PBX1: variants seen among roughly 807,000 people sequenced by gnomAD.
PBX1 encodes the protein pre-B-cell leukemia transcription factor 1.
A neutral mutation model predicts 53.4 loss-of-function variants in PBX1; 6 were observed. The observed-to-expected ratio is 0.11, with a 90% CI of 0.06 to 0.22. PBX1 has a LOEUF of 0.22. Ranked by LOEUF, PBX1 falls within the 10% of genes least tolerant of loss-of-function variation. PBX1 has a pLI of 1.00. For synonymous variants in PBX1, 204 were observed against 212.3 expected (o/e 0.96, Z 0.34); for missense variants, 251 against 551.4 (o/e 0.46, Z 5.46).
chr1:164,825,849 G>T (rs777796066), intron 8 of PBX1, among the ~76,000 whole-genome samples: 7 of 152,218 alleles, frequency 4.6e-5, no homozygotes, highest in Middle Eastern at 3.4e-3. Context: ...ATACCTGTTT[G>T]TAGGATAGCC....
intron 3 of PBX1, among the ~76,000 whole-genome samples, chr1:164,799,354 G>A (rs1175990901): frequency 6.6e-6 from 1 of 152,000 alleles, no homozygotes; most frequent in Non-Finnish European, 1.5e-5. Context: ...AGCTGGGCGT[G>A]GTGGCGGGCG....
intron 2 of PBX1, among the ~76,000 whole-genome samples, chr1:164,591,090 C>T (rs960170979): frequency 8.6e-5 from 13 of 151,090 alleles, no homozygotes; most frequent in Admixed American, 4.0e-4. Flanking sequence ...TGGCTCACTG[C>T]ATCCTCTGCC....
chr1:164,825,033 G>A (rs1009601498), intron 8 of PBX1, among the ~76,000 whole-genome samples: 1 of 152,084 alleles, frequency 6.6e-6, no homozygotes, highest in African/African-American at 2.4e-5. Flanking sequence ...GACATTCAGG[G>A]TCTCTTACAT....
At chr1:164,676,316 G>T (rs1448482713) in intron 2 of PBX1, among the ~76,000 whole-genome samples, 1 of 152,016 alleles carries the variant, frequency 6.6e-6, no homozygotes, top group Non-Finnish European at 1.5e-5. Context: ...TATGTAGTAG[G>T]CATAGAGTAG....
At chr1:164,651,619 T>C (rs1228184966) in intron 2 of PBX1, among the ~76,000 whole-genome samples, 1 of 151,866 alleles carries the variant, frequency 6.6e-6, no homozygotes, top group East Asian at 1.9e-4. Context: ...AGAGAACACA[T>C]AAACAACCCT....
At chr1:164,642,839 C>A (rs1406587252) in intron 2 of PBX1, 1 of 152,110 alleles carries the variant, frequency 6.6e-6, no homozygotes, top group African/African-American at 2.4e-5. Context: ...GGTAACGAGC[C>A]ACCTTTTATT....
chr1:164,661,652 C>G (rs1168690679), intron 2 of PBX1, among the ~76,000 whole-genome samples: 1 of 151,962 alleles, frequency 6.6e-6, no homozygotes, highest in African/African-American at 2.4e-5. Context: ...ATCTCGAAAC[C>G]CTGACCTCAG....
intron 2 of PBX1, among the ~76,000 whole-genome samples, chr1:164,594,762 A>C (rs1655644220): frequency 6.6e-6 from 1 of 152,200 alleles, no homozygotes; most frequent in African/African-American, 2.4e-5. Flanking sequence ...TTTTGTCCTA[A>C]GTCTTCACTA....
At chr1:164,659,879 C>G (rs897324659) in intron 2 of PBX1, among the ~76,000 whole-genome samples, 1 of 152,190 alleles carries the variant, frequency 6.6e-6, no homozygotes, top group African/African-American at 2.4e-5. Flanking sequence ...CAGGCTTCCT[C>G]TGGCAGCACC....
intron 2 of PBX1, among the ~76,000 whole-genome samples, chr1:164,591,971 C>T (rs1377949651): frequency 1.3e-5 from 2 of 152,284 alleles, no homozygotes; most frequent in East Asian, 3.9e-4. Flanking sequence ...TCCACCTCCC[C>T]TGTGGCACTT....
At chr1:164,717,224 A>T (rs1664155652) in intron 2 of PBX1, among the ~76,000 whole-genome samples, 1 of 152,170 alleles carries the variant, frequency 6.6e-6, no homozygotes, top group African/African-American at 2.4e-5. Flanking sequence ...CCAGGATGAG[A>T]GGCTCAGTGT....
At chr1:164,631,357 A>G (rs1658400419) in intron 2 of PBX1, among the ~76,000 whole-genome samples, 1 of 151,960 alleles carries the variant, frequency 6.6e-6, no homozygotes, top group African/African-American at 2.4e-5. Context: ...TAAGCAACAC[A>G]GAGAAGTCAG....
chr1:164,840,211 G>A (rs1671226663), intron 8 of PBX1, among the ~76,000 whole-genome samples: 1 of 152,224 alleles, frequency 6.6e-6, no homozygotes, highest in African/African-American at 2.4e-5. Context: ...AGTAAGACAA[G>A]TGGCAAAATT....
At chr1:164,560,876 G>A (rs1315825878) in intron 1 of PBX1, among the ~76,000 whole-genome samples, 2 of 152,114 alleles carry the variant, frequency 1.3e-5, no homozygotes, top group Non-Finnish European at 2.9e-5. Context: ...AGAAATGAAA[G>A]CATTTATGAA....
chr1:164,864,704 G>A (rs941252314), intron 2 of PBX1, among the ~76,000 whole-genome samples: 1 of 152,188 alleles, frequency 6.6e-6, no homozygotes, highest in Non-Finnish European at 1.5e-5. Flanking sequence ...CTATCCCAGG[G>A]CAGCTAGAAT....
intron 1 of PBX1, chr1:164,560,520 T>C (rs1383585466): frequency 1.7e-5 from 4 of 234,658 alleles, no homozygotes; most frequent in Non-Finnish European, 2.4e-5. Flanking sequence ...GACTCTCCCG[T>C]CCAAAATTAA....
intron 6 of PBX1, chr1:164,813,837 C>T (rs1205454701): frequency 6.6e-6 from 1 of 152,144 alleles, no homozygotes; most frequent in African/African-American, 2.4e-5. Context: ...AGCATTTTAA[C>T]CCTCTATTCT....
intron 2 of PBX1, among the ~76,000 whole-genome samples, chr1:164,861,422 C>T (rs1317903295): frequency 6.6e-6 from 1 of 152,130 alleles, no homozygotes; most frequent in Non-Finnish European, 1.5e-5. Context: ...ATATTCCTGC[C>T]AGTGTTTGGC....
At chr1:164,709,806 G>A (rs75688682) in intron 2 of PBX1, among the ~76,000 whole-genome samples, 14 of 152,304 alleles carry the variant, frequency 9.2e-5, no homozygotes, top group African/African-American at 3.4e-4. Context: ...TATTATTGCA[G>A]GAACATTACC....
Sources: allele counts gnomAD v4.1 joint callset (sites outside exome capture counted in the v4.1 genomes callset), GRCh38; gene constraint gnomAD v4.1.1; transcripts MANE v1.5; gene names NCBI Gene and HGNC (gene_info 2026-07-23, HGNC 2026-07-21).